ABCC8: variants seen among roughly 807,000 people sequenced by gnomAD.
ABCC8 encodes the protein ATP-binding cassette sub-family C member 8.
A neutral mutation model predicts 188.0 loss-of-function variants in ABCC8; 137 were observed. The observed-to-expected ratio is 0.73, with a 90% CI of 0.63 to 0.84. ABCC8 has a LOEUF of 0.84. ABCC8 is among the 40% of genes least tolerant of loss of function. ABCC8 has a pLI of 0.00. For synonymous variants in ABCC8, 797 were observed against 846.5 expected (o/e 0.94, Z 1.01); for missense variants, 1,750 against 2,072.7 (o/e 0.84, Z 3.02).
chr11:17,466,022 C>A (rs534938035), intron 3 of ABCC8, among the ~76,000 whole-genome samples: 15 of 152,188 alleles, frequency 9.9e-5, no homozygotes, highest in Admixed American at 9.8e-4. Context: ...AGAATATTAG[C>A]CTTAAAAAGG....
chr11:17,440,673 A>C (rs886293), intron 10 of ABCC8, among the ~76,000 whole-genome samples: 2 of 152,146 alleles, frequency 1.3e-5, no homozygotes. Context: ...CATGGCTTGC[A>C]CCATGTATGG....
At position 17,428,545 on chromosome 11, in the gene ABCC8, AGGGGAGGCC is replaced by A. The variant is rs1564925061; in HGVS notation, c.1923+11_1923+19del. On this transcript the variant is annotated intron_variant, in intron 13 of 38. Transcript: ENST00000389817. Reference sequence around the variant, plus strand: ...TTAGAGGACCATGCTGGGAGTAGCAAGGGGAGGCCGGGCACTCACCACCGCCTGGTACTT... The same window carrying A: ...TTAGAGGACCATGCTGGGAGTAGCAAGGGCACTCACCACCGCCTGGTACTT... The A allele has an allele frequency of 5.0e-6, 8 of 1,613,652 alleles. No homozygotes were observed. The South Asian group carries it at 8.8e-5, about 18-fold the overall frequency.
chr11:17,451,397 A>G (rs1489784626), intron 7 of ABCC8, among the ~76,000 whole-genome samples: 1 of 152,218 alleles, frequency 6.6e-6, no homozygotes, highest in African/African-American at 2.4e-5. Context: ...CCCTGAGGAA[A>G]TACTCTGCTT....
chr11:17,474,690 C>T (rs1424698059), intron 2 of ABCC8, among the ~76,000 whole-genome samples, 196 bp downstream of exon 2: 1 of 152,174 alleles, frequency 6.6e-6, no homozygotes, highest in Non-Finnish European at 1.5e-5. Context: ...CTCTCCTGGA[C>T]TGATGGCAGG....
At chr11:17,436,193 G>C (rs1956089996) in intron 10 of ABCC8, 1 of 709,390 alleles carries the variant, frequency 1.4e-6, no homozygotes, top group African/African-American at 1.8e-5. Context: ...TTGGGTTCTG[G>C]TCTGGATGGA....
chr11:17,406,948 G>A lies in ABCC8; in HGVS notation c.3102C>T (p.Ala1034=). ...GGGTCAGGGCGCTGTCGGTCCACTT[G>A]GCCAGCCAGTAGTCGATGGCCACCA... The part of the protein sequence containing the change: ...MVLVAIDYWL[A]KWTDSALTLT... The change falls in exon 25 of 39, where the codon GCC becomes GCT. Residue 1034 remains alanine, a synonymous_variant. Transcript: ENST00000389817. The A allele has an allele frequency of 1.2e-6, 2 of 1,614,144 alleles. No individual in the cohort carries two copies. Among genetic ancestry groups the A allele is most frequent in the Non-Finnish European group, 1.7e-6 (2 of 1,180,040 alleles).
chr11:17,408,203 A>C (rs1475172015), intron 23 of ABCC8, 189 bp downstream of exon 23: 1 of 578,028 alleles, frequency 1.7e-6, no homozygotes, highest in East Asian at 2.9e-5. Flanking sequence ...TGCCCACCTG[A>C]TTCTGCCCTG....
chr11:17,421,369 G>A (rs1341338669), intron 16 of ABCC8, among the ~76,000 whole-genome samples: 1 of 152,224 alleles, frequency 6.6e-6, no homozygotes, highest in Non-Finnish European at 1.5e-5. Context: ...TTAGGAAACA[G>A]CTCGGACAAA....
intron 27 of ABCC8, 48 bp downstream of exon 27, chr11:17,405,446 T>C (rs750480802): frequency 1.9e-6 from 3 of 1,613,286 alleles, no homozygotes; most frequent in South Asian, 2.2e-5. Flanking sequence ...CCCCCAGGGG[T>C]CCGAGGTGTC....
In ABCC8 at chr11:17,404,630, G is replaced by A. The variant is rs372257088; in HGVS notation, c.3439C>T (p.Leu1147=). The change falls in exon 28 of 39, where the codon CTG becomes TTG. Residue 1147 remains leucine (L), a synonymous_variant. Coordinates refer to ENST00000389817, the MANE Select transcript of ABCC8 (RefSeq NM_000352.6). This position sits in a 1 kb window ranked among gnomAD's most constrained non-coding sequence, Gnocchi z 4.7. The part of the protein sequence containing the change: ...STLECLSRST[L]LCVSALAVIS... ...ACGGCCAGGGCTGAGACACAGAGCA[G>A]GGTGGAGCGGCTCAGGCACTCCAGC... 5.3e-5 allele frequency: 86 copies of A among 1,613,150 alleles called. 1 individual carries two copies. The highest frequency in any genetic ancestry group is 8.8e-5 in the South Asian group (8 of 90,958).
chr11:17,415,422 C>G lies in ABCC8; in HGVS notation c.2256-83G>C, dbSNP rs527768785. The G allele has an allele frequency of 1.2e-5, 18 of 1,563,086 alleles. 1 individual carries two copies. In the African/African-American group the frequency reaches 2.0e-4, roughly 18 times the overall value. ...GGAAGATCCTGAGCTCCCTCCAACCCAACATGAGCATGCCTTTACAATCCC... is the reference window on the plus strand; with the variant it reads ...GGAAGATCCTGAGCTCCCTCCAACCGAACATGAGCATGCCTTTACAATCCC... On this transcript the variant is annotated intron_variant, in intron 17 of 38. Transcript: ENST00000389817.
Position 17,427,134 on chromosome 11 carries a change from C to A in ABCC8, c.2137G>T (p.Gly713Trp). The part of the protein sequence containing the change: ...IPRGQLTMIV[G>W]QVGCGKSSLL... The stretch of plus-strand genomic sequence containing the variant: ...GAGGACTTGCCGCAGCCCACCTGCC[C>A]CACGATCATAGTCAGCTGGCCTGCA... The change falls in exon 16 of 39, where the codon GGG becomes TGG. Residue 713 changes from glycine (G) to tryptophan (W), a missense_variant. By Grantham distance (184) the Gly-to-Trp change is radical. Transcript: ENST00000389817. This position sits in a 1 kb window ranked among gnomAD's most constrained non-coding sequence, Gnocchi z 5.0. The A allele has an allele frequency of 6.2e-7, 1 of 1,613,414 alleles. No homozygotes were observed. The highest frequency in any genetic ancestry group is 2.2e-5 in the East Asian group (1 of 44,826).
chr11:17,395,518 G>A, intron 35 of ABCC8, 92 bp downstream of exon 35: 1 of 1,506,492 alleles, frequency 6.6e-7, no homozygotes. Flanking sequence ...CTGGGATCCT[G>A]GTCTCCCCCA....
intron 3 of ABCC8, among the ~76,000 whole-genome samples, chr11:17,469,637 C>T (rs866696310): frequency 3.3e-5 from 5 of 152,228 alleles, no homozygotes; most frequent in Middle Eastern, 3.4e-3. Context: ...GACTCTTGCT[C>T]GCTCCTCTCC....
At chr11:17,402,782 A>T (rs1372135646) in intron 28 of ABCC8, 29 bp from the exon 29 acceptor site, 2 of 1,613,940 alleles carry the variant, frequency 1.2e-6, no homozygotes, top group Admixed American at 3.3e-5. Context: ...TGGAACAGTT[A>T]AGAGGGCAGG....
In ABCC8 at chr11:17,445,807, G is replaced by T. The variant is rs535669592; in HGVS notation, c.1333-2495C>A. On this transcript the variant is annotated intron_variant, in intron 8 of 38. Transcript: ENST00000389817. ...TGAAAATCTCTACCCCCAGTGCAAG[G>T]GTTAAATTATACAAGGGAGGGGGGC... Among the ~76,000 whole-genome samples the T allele has an allele frequency of 2.0e-5, 3 of 151,964 alleles. No individual in the cohort carries two copies. The South Asian group carries it at 6.3e-4, about 32-fold the overall frequency.
chr11:17,454,803 T>A (rs777890109), intron 6 of ABCC8, among the ~76,000 whole-genome samples: 33 of 152,106 alleles, frequency 2.2e-4, no homozygotes, highest in Non-Finnish European at 4.3e-4. Flanking sequence ...CTGAGTGATG[T>A]CAAAAACACT....
At chr11:17,395,580 T>C in intron 35 of ABCC8, 30 bp downstream of exon 35, 1 of 1,544,490 alleles carries the variant, frequency 6.5e-7, no homozygotes, top group Non-Finnish European at 8.7e-7. Context: ...GGCCTGGGGC[T>C]GGGTGGGCCT....
chr11:17,460,213 C>T (rs1957134047), intron 6 of ABCC8, among the ~76,000 whole-genome samples: 1 of 152,254 alleles, frequency 6.6e-6, no homozygotes, highest in South Asian at 2.1e-4. Context: ...AAAAGCACTT[C>T]CTGCAGTTTT....
Sources: allele counts gnomAD v4.1 joint callset (sites outside exome capture counted in the v4.1 genomes callset), GRCh38; gene constraint gnomAD v4.1.1; non-coding constraint Gnocchi (gnomAD v3.1); transcripts MANE v1.5; gene names NCBI Gene and HGNC (gene_info 2026-07-23, HGNC 2026-07-21).